The following PNPLA7 variants were observed in gnomAD, a reference collection of about 807,000 sequenced individuals.
The protein encoded by PNPLA7 is patatin-like phospholipase domain-containing protein 7.
PNPLA7 carries 153 observed loss-of-function variants against 161.7 expected under a neutral mutation model. The ratio of observed to expected loss-of-function variants is 0.95; its 90% CI spans 0.83 to 1.08. PNPLA7 has a LOEUF of 1.08. Ranked by LOEUF, PNPLA7 falls within the 50% of genes least tolerant of loss-of-function variation. The pLI, the probability that PNPLA7 is intolerant of heterozygous loss-of-function variation, is 0.00. For synonymous variants in PNPLA7, 809 were observed against 782.1 expected (o/e 1.03, Z -0.57); for missense variants, 1,739 against 1,856.6 (o/e 0.94, Z 1.16).
intron 33 of PNPLA7, 111 bp from the exon 34 acceptor site, chr9:137,460,848 G>A (rs2132042740): frequency 9.8e-7 from 1 of 1,018,086 alleles, no homozygotes; most frequent in Non-Finnish European, 1.4e-6. Flanking sequence ...CGCCTCCAAG[G>A]TGGCCCGGGG....
rs1564312761 is a variant in PNPLA7, at chr9:137,497,297, AC to A, written c.1902del (p.Lys634AsnfsTer16). The A allele has an allele frequency of 1.9e-6, 3 of 1,572,542 alleles. No individual in the cohort carries two copies. On this transcript the variant is annotated frameshift_variant, in exon 18 of 35. Coordinates refer to ENST00000406427, the MANE Select transcript of PNPLA7 (RefSeq NM_001098537.3). LOFTEE classifies it high-confidence loss of function. Reference protein sequence around the residue: ...AGRAIYRQGDKSDCTYIMLSG... With the variant: ...AGRAIYRQGDXSDCTYIMLSG... Reference sequence around the variant, plus strand: ...CTGAGCATGATGTACGTGCAGTCGGACTTGTCCCCCTGCCTGCGGAAGACAC... The same window carrying A: ...CTGAGCATGATGTACGTGCAGTCGGATTGTCCCCCTGCCTGCGGAAGACAC...
intron 25 of PNPLA7, among the ~76,000 whole-genome samples, chr9:137,472,973 G>A (rs1831779308): frequency 6.6e-6 from 1 of 152,016 alleles, no homozygotes. Flanking sequence ...AAAAAAAATG[G>A]TTTAATGGAC....
chr9:137,545,598 A>T (rs1234965292), intron 4 of PNPLA7, among the ~76,000 whole-genome samples: 1 of 152,246 alleles, frequency 6.6e-6, no homozygotes, highest in Non-Finnish European at 1.5e-5. Flanking sequence ...TATACTACAT[A>T]TAGATCTTAG....
chr9:137,478,193 A>G, intron 24 of PNPLA7, 41 bp from the exon 25 acceptor site: 1 of 1,253,798 alleles, frequency 8.0e-7, no homozygotes, highest in Non-Finnish European at 1.0e-6. Context: ...GCAGGGCCCC[A>G]CCCTCGGCCG....
At position 137,492,999 on chromosome 9, in the gene PNPLA7, G is replaced by C. The variant is rs747490736; in HGVS notation, c.2197+14C>G. ...GGGCTCCCAGGAGGCTCTGGGTTGG[G>C]AGAGGTGACCCACCTGTCACAGGTC... is the stretch of plus-strand genomic sequence containing the variant. On this transcript the variant is annotated intron_variant, in intron 20 of 34. Coordinates refer to ENST00000406427, the MANE Select transcript of PNPLA7 (RefSeq NM_001098537.3). 1 of 1,612,400 alleles carries C rather than the reference G, an allele frequency of 6.2e-7. No individual in the cohort carries two copies. The highest frequency in any genetic ancestry group is 1.1e-5 in the South Asian group (1 of 91,056).
chr9:137,513,358 C>T (rs1834337922), intron 12 of PNPLA7, among the ~76,000 whole-genome samples: 1 of 151,952 alleles, frequency 6.6e-6, no homozygotes, highest in South Asian at 2.1e-4. Flanking sequence ...GTTGTGGTGA[C>T]ACCTGCCTAA....
Position 137,497,185 on chromosome 9 carries a change from A to T in PNPLA7, c.2013+2T>A. The T allele has an allele frequency of 6.4e-7, 1 of 1,572,340 alleles. No individual in the cohort carries two copies. Among genetic ancestry groups the T allele is most frequent in the Non-Finnish European group, 8.6e-7 (1 of 1,160,802 alleles). ...GAGGCAGGAGCAGGGCCCAGCACCT[A>T]CCACGCCGACGAGGTCTCCTCGGCC... On this transcript the variant is annotated splice_donor_variant, in intron 18 of 34. Coordinates refer to ENST00000406427, the MANE Select transcript of PNPLA7 (RefSeq NM_001098537.3). LOFTEE classifies it high-confidence loss of function.
chr9:137,480,545 CG>C, intron 22 of PNPLA7, 65 bp from the exon 23 acceptor site: 1 of 1,520,996 alleles, frequency 6.6e-7, no homozygotes. Context: ...CACATGTCCC[CG>C]GGGCAAAGAG....
intron 24 of PNPLA7, chr9:137,478,745 C>T: frequency 3.3e-6 from 1 of 301,576 alleles, no homozygotes; most frequent in Non-Finnish European, 6.2e-6. Flanking sequence ...ACTGAGCCCC[C>T]CTGACGTCAG....
intron 8 of PNPLA7, among the ~76,000 whole-genome samples, chr9:137,531,561 C>A (rs1017181833): frequency 3.3e-5 from 5 of 152,088 alleles, no homozygotes; most frequent in Non-Finnish European, 7.4e-5. Context: ...TATGTAGCAG[C>A]CAGCAATCAC....
At chr9:137,480,715 T>C (rs888314177) in intron 22 of PNPLA7, 1 of 712,984 alleles carries the variant, frequency 1.4e-6, no homozygotes, top group East Asian at 2.8e-5. Context: ...CTGGGGAGAG[T>C]GAGACCCGGG....
intron 19 of PNPLA7, among the ~76,000 whole-genome samples, chr9:137,494,410 C>T (rs563931347): frequency 1.4e-4 from 21 of 152,290 alleles, no homozygotes; most frequent in Middle Eastern, 6.8e-3. Context: ...TCACCGTCAC[C>T]GCCCCCACCC....
chr9:137,535,619 G>A (rs112034122), intron 8 of PNPLA7, among the ~76,000 whole-genome samples: 1 of 151,746 alleles, frequency 6.6e-6, no homozygotes, highest in South Asian at 2.1e-4. Context: ...TGGGCATGGT[G>A]GTGGGCACCT....
At position 137,522,995 on chromosome 9, in the gene PNPLA7, T is replaced by A. The variant is rs954331396; in HGVS notation, c.748-138A>T. 22 of 1,246,610 alleles carry A rather than the reference T, an allele frequency of 1.8e-5. No homozygotes were observed. The African/African-American group carries it at 3.0e-4, about 17-fold the overall frequency. The allele number at this position is 1,246,610 out of a possible 1,614,324, so 77.2% of individuals were successfully genotyped here. A position where few individuals can be genotyped will look rare whatever the true frequency, so the allele number is the denominator to read the frequency against. On this transcript the variant is annotated intron_variant, in intron 8 of 34. Coordinates refer to ENST00000406427, the MANE Select transcript of PNPLA7 (RefSeq NM_001098537.3). ...CTCCATTCTCCCTCCCAGGCTGGGC[T>A]GTGCAAAGTGCTGCTTTTGGCACCA... is the stretch of plus-strand genomic sequence containing the variant.
chr9:137,478,117 C>G lies in PNPLA7; in HGVS notation c.2799G>C (p.Pro933=), dbSNP rs747746262. The change falls in exon 25 of 35, where the codon CCG becomes CCC. Residue 933 remains proline, a synonymous_variant. Transcript: ENST00000406427. ...EMYKHVFQRP[P]DRHSDFSRLA... ...GGCGGGAGAAGTCTGAGTGTCGGTC[C>G]GGGGGCCGCTGGAAGACATGCTTGT... is the stretch of plus-strand genomic sequence containing the variant. 4.4e-6 allele frequency: 6 copies of G among 1,350,802 alleles called. No homozygotes were observed. In the East Asian group the frequency reaches 1.8e-4, roughly 41 times the overall value. The allele number at this position is 1,350,802 out of a possible 1,614,324, so 83.7% of individuals were successfully genotyped here.
chr9:137,472,476 C>A (rs1054678940), intron 25 of PNPLA7, among the ~76,000 whole-genome samples: 10 of 151,224 alleles, frequency 6.6e-5, no homozygotes, highest in Admixed American at 2.7e-4. Flanking sequence ...CATGGTGAAA[C>A]CCCGTCTCTA....
In PNPLA7 at chr9:137,499,143, C is replaced by T. The variant is rs936878462; in HGVS notation, c.1758-898G>A. Among the ~76,000 whole-genome samples the T allele has an allele frequency of 6.6e-5, 10 of 151,286 alleles. No individual in the cohort carries two copies. Among genetic ancestry groups the T allele is most frequent in the Admixed American group, 2.6e-4 (4 of 15,170 alleles). On this transcript the variant is annotated intron_variant, in intron 16 of 34. Transcript: ENST00000406427. The surrounding 1 kb of genome is among the most constrained non-coding windows in gnomAD (Gnocchi z 5.5). ...AGACACACAGACACACACAGACACA[C>T]GGAGACAGAGACACTCGCAGACACA...
intron 12 of PNPLA7, among the ~76,000 whole-genome samples, chr9:137,513,037 A>G (rs1834321041): frequency 6.6e-6 from 1 of 152,176 alleles, no homozygotes; most frequent in Non-Finnish European, 1.5e-5. Flanking sequence ...GATGGCACAA[A>G]AAAAGCAAGA....
At chr9:137,522,664 C>T in intron 9 of PNPLA7, 65 bp downstream of exon 9, 1 of 1,581,260 alleles carries the variant, frequency 6.3e-7, no homozygotes, top group Non-Finnish European at 8.6e-7. Flanking sequence ...AATCCCAAAC[C>T]AGTGCCCAGG....
Sources: gnomAD v4.1 joint callset for allele counts (sites outside exome capture counted in the v4.1 genomes callset) on GRCh38, gnomAD v4.1.1 for gene constraint, Gnocchi (gnomAD v3.1) non-coding constraint, MANE v1.5 for transcripts, NCBI Gene and HGNC (gene_info 2026-07-23, HGNC 2026-07-21) for gene names.